Variants in DENND1B observed in about 807,000 individuals in gnomAD.
The protein encoded by DENND1B is DENN domain-containing protein 1B.
Under a neutral mutation model 90.1 loss-of-function variants are expected in DENND1B, and 59 were observed. That is an observed-to-expected ratio of 0.65 (90% CI 0.53 to 0.81). The LOEUF is 0.81. DENND1B is among the 40% of genes least tolerant of loss of function. The pLI, the probability that DENND1B is intolerant of heterozygous loss-of-function variation, is 0.00. For synonymous variants in DENND1B, 337 were observed against 324.6 expected (o/e 1.04, Z -0.41); for missense variants, 862 against 912.6 (o/e 0.94, Z 0.71).
intron 2 of DENND1B, among the ~76,000 whole-genome samples, chr1:197,725,663 G>GA (rs1386518281): frequency 6.6e-6 from 1 of 151,300 alleles, no homozygotes; most frequent in African/African-American, 2.4e-5. Flanking sequence ...TTGTTCATAT[G>GA]AAAAAAAATC....
chr1:197,678,110 G>A (rs889670946), intron 3 of DENND1B, among the ~76,000 whole-genome samples: 1 of 152,098 alleles, frequency 6.6e-6, no homozygotes, highest in Non-Finnish European at 1.5e-5. Flanking sequence ...CCCTGGCAAG[G>A]GAAATGGTTA....
intron 10 of DENND1B, among the ~76,000 whole-genome samples, chr1:197,634,582 T>G (rs1679608720): frequency 6.6e-6 from 1 of 152,230 alleles, no homozygotes; most frequent in Non-Finnish European, 1.5e-5. Context: ...TTAAGATGTA[T>G]TAATACATTT....
In DENND1B at chr1:197,510,760, A is replaced by G; in HGVS notation, c.2028T>C (p.Asn676=). The change falls in exon 23 of 23, where the codon AAT becomes AAC. Residue 676 remains asparagine (N), a synonymous_variant. Transcript: ENST00000620048. ...CCAGTCCTGAAGTAGGGTCACTCAC[A>G]TTGTCAGCACCGAGGTGCTTGTTAC... The part of the protein sequence containing the change: ...ENSNKHLGAD[N]VSDPTSGLDF... 6.2e-7 allele frequency: 1 copy of G among 1,612,586 alleles called. No homozygotes were observed. Among genetic ancestry groups the G allele is most frequent in the Non-Finnish European group, 8.5e-7 (1 of 1,179,152 alleles).
At chr1:197,602,419 T>C (rs1676292149) in intron 13 of DENND1B, among the ~76,000 whole-genome samples, 1 of 151,396 alleles carries the variant, frequency 6.6e-6, no homozygotes. Flanking sequence ...GCAATATTTG[T>C]CTCCTGAAGT....
At chr1:197,703,621 G>A (rs1237304196) in intron 3 of DENND1B, among the ~76,000 whole-genome samples, 1 of 152,092 alleles carries the variant, frequency 6.6e-6, no homozygotes, top group African/African-American at 2.4e-5. Context: ...GGAATAAAAT[G>A]TGATTTTTGT....
chr1:197,599,355 T>C (rs774020736), intron 13 of DENND1B, among the ~76,000 whole-genome samples: 5 of 151,866 alleles, frequency 3.3e-5, no homozygotes, highest in Non-Finnish European at 5.9e-5. Context: ...TAGAAATTTT[T>C]ATTTTACTTT....
intron 2 of DENND1B, among the ~76,000 whole-genome samples, chr1:197,750,898 T>C (rs1318220035): frequency 6.6e-6 from 1 of 152,188 alleles, no homozygotes; most frequent in East Asian, 1.9e-4. Context: ...GACATAATAG[T>C]TGTAAATGTG....
At chr1:197,781,268 G>A in the DENND1B span, among the ~76,000 whole-genome samples, 2 of 152,082 alleles carry the variant, frequency 1.3e-5, no homozygotes, top group Admixed American at 6.6e-5. Flanking sequence ...ATTTTTTGAG[G>A]CAAGCATCTC....
At chr1:197,714,801 C>T (rs533401469) in intron 3 of DENND1B, among the ~76,000 whole-genome samples, 1 of 152,150 alleles carries the variant, frequency 6.6e-6, no homozygotes, top group African/African-American at 2.4e-5. Flanking sequence ...AAACATCTAG[C>T]TCCTATGAGT....
At chr1:197,774,787 C>A (rs1288972107) in intron 1 of DENND1B, among the ~76,000 whole-genome samples, 1 of 152,224 alleles carries the variant, frequency 6.6e-6, no homozygotes, top group East Asian at 1.9e-4. Flanking sequence ...CCAGGAGAGT[C>A]ACATCTGACA....
At chr1:197,705,481 C>A (rs1362065623) in intron 3 of DENND1B, among the ~76,000 whole-genome samples, 1 of 151,940 alleles carries the variant, frequency 6.6e-6, no homozygotes, top group Middle Eastern at 3.2e-3. Flanking sequence ...ATTGATGTCC[C>A]AGTGATCTCA....
intron 2 of DENND1B, among the ~76,000 whole-genome samples, chr1:197,764,693 G>A (rs1185651118): frequency 6.6e-6 from 1 of 151,836 alleles, no homozygotes; most frequent in Non-Finnish European, 1.5e-5. Flanking sequence ...AGTTTACAAG[G>A]TTTTCTTTAA....
At chr1:197,636,320 A>T (rs1388601792) in intron 10 of DENND1B, among the ~76,000 whole-genome samples, 2 of 152,220 alleles carry the variant, frequency 1.3e-5, no homozygotes, top group Non-Finnish European at 2.9e-5. Context: ...CGAGGAAAAA[A>T]GTCACTTCAC....
chr1:197,623,355 C>G (rs1210632353), intron 10 of DENND1B, among the ~76,000 whole-genome samples: 1 of 151,082 alleles, frequency 6.6e-6, no homozygotes, highest in Admixed American at 6.6e-5. Flanking sequence ...TTAGTGGAAA[C>G]CATAAAGAAA....
chr1:197,625,792 T>A (rs1392912822), intron 10 of DENND1B, among the ~76,000 whole-genome samples: 1 of 151,766 alleles, frequency 6.6e-6, no homozygotes, highest in African/African-American at 2.4e-5. Context: ...GAGACACACA[T>A]AGGACATAGG....
chr1:197,547,615 G>C (rs1461055307), intron 16 of DENND1B, among the ~76,000 whole-genome samples: 2 of 152,106 alleles, frequency 1.3e-5, no homozygotes, highest in South Asian at 2.1e-4. Context: ...GAAACATGAA[G>C]ACAAATTTTT....
At chr1:197,551,779 T>C (rs1043490310) in intron 16 of DENND1B, among the ~76,000 whole-genome samples, 6 of 152,064 alleles carry the variant, frequency 3.9e-5, no homozygotes, top group Non-Finnish European at 7.4e-5. Context: ...GCTGACAAAA[T>C]TTTGCTTGTC....
chr1:197,586,650 CAT>C (rs1011849617), intron 14 of DENND1B, among the ~76,000 whole-genome samples: 7 of 152,162 alleles, frequency 4.6e-5, no homozygotes, highest in Non-Finnish European at 7.3e-5. Flanking sequence ...TCAATTTTGG[CAT>C]ATGTTTTCTG....
intron 15 of DENND1B, among the ~76,000 whole-genome samples, chr1:197,581,258 C>T (rs1393598875): frequency 2.0e-5 from 3 of 152,152 alleles, no homozygotes; most frequent in Admixed American, 6.5e-5. Context: ...GCTATCTTCA[C>T]GTATCACTTT....
Sources: gnomAD v4.1 joint callset for allele counts (sites outside exome capture counted in the v4.1 genomes callset) on GRCh38, gnomAD v4.1.1 for gene constraint, MANE v1.5 for transcripts, NCBI Gene and HGNC (gene_info 2026-07-23, HGNC 2026-07-21) for gene names.